The following KIAA1549 variants were observed in gnomAD, a reference collection of about 807,000 sequenced individuals.
KIAA1549 encodes UPF0606 protein KIAA1549.
In KIAA1549, 70 loss-of-function variants were observed where a neutral mutation model predicts 156.4. That is an observed-to-expected ratio of 0.45 (90% confidence interval 0.37 to 0.55). The LOEUF is 0.55. Ranked by LOEUF, KIAA1549 falls within the 20% of genes least tolerant of loss-of-function variation. The pLI is 0.00. For synonymous variants in KIAA1549, 1,103 were observed against 1,066.4 expected (o/e 1.03, Z -0.67); for missense variants, 2,428 against 2,540.9 (o/e 0.96, Z 0.96).
chr7:138,943,607 T>C (rs1813249145), intron 1 of KIAA1549, among the ~76,000 whole-genome samples: 2 of 152,186 alleles, frequency 1.3e-5, no homozygotes, highest in African/African-American at 4.8e-5. Flanking sequence ...CCCAGCACTT[T>C]GGGAGGCCAA....
chr7:138,970,425 G>A (rs1021226489), intron 1 of KIAA1549, among the ~76,000 whole-genome samples: 4 of 152,194 alleles, frequency 2.6e-5, no homozygotes, highest in Non-Finnish European at 4.4e-5. Context: ...ACCCGCTACT[G>A]CTCCTACCCT....
intron 1 of KIAA1549, among the ~76,000 whole-genome samples, chr7:138,958,097 T>C (rs1813723083): frequency 6.6e-6 from 1 of 152,268 alleles, no homozygotes; most frequent in Admixed American, 6.5e-5. Context: ...TTTGCACGAC[T>C]GTTATCCTCT....
At position 138,913,405 on chromosome 7, in the gene KIAA1549, A is replaced by C. The variant is rs574966821; in HGVS notation, c.2879-945T>G. Among the ~76,000 whole-genome samples, 9 of 152,276 alleles carry C rather than the reference A, an allele frequency of 5.9e-5. No individual in the cohort carries two copies. The South Asian group carries it at 1.9e-3, about 32-fold the overall frequency. ...TCTGTTTGACTGTTTTCATATTTTAAAAGTTCCATTTAAAAATCTATACTA... is the reference window on the plus strand; with the variant it reads ...TCTGTTTGACTGTTTTCATATTTTACAAGTTCCATTTAAAAATCTATACTA... On this transcript the variant is annotated intron_variant, in intron 2 of 19. Transcript: ENST00000422774.
At chr7:138,887,701 C>T (rs1027216066) in intron 10 of KIAA1549, among the ~76,000 whole-genome samples, 1 of 152,172 alleles carries the variant, frequency 6.6e-6, no homozygotes, top group African/African-American at 2.4e-5. Flanking sequence ...CAAATAAAAT[C>T]ACAATTCAAA....
intron 14 of KIAA1549, 103 bp from the exon 15 acceptor site, chr7:138,868,231 C>T (rs1270100313): frequency 1.8e-6 from 2 of 1,092,306 alleles, no homozygotes; most frequent in Admixed American, 2.1e-5. Flanking sequence ...TGTGCTACCC[C>T]TGGAAACACC....
intron 1 of KIAA1549, among the ~76,000 whole-genome samples, chr7:138,923,374 G>A (rs952557045): frequency 3.9e-5 from 6 of 152,222 alleles, no homozygotes; most frequent in African/African-American, 1.2e-4. Flanking sequence ...GCCAAGGCAG[G>A]TGGATCACCT....
intron 8 of KIAA1549, among the ~76,000 whole-genome samples, chr7:138,899,746 G>A (rs768263444): frequency 9.9e-5 from 15 of 152,014 alleles, no homozygotes; most frequent in Non-Finnish European, 2.2e-4. Context: ...GATGCACCCT[G>A]GAGGACAAAA....
chr7:138,876,226 AAAAG>A (rs1358120234), intron 12 of KIAA1549: 2 of 152,252 alleles, frequency 1.3e-5, no homozygotes, highest in African/African-American at 4.8e-5. Flanking sequence ...TGCCTTCATG[AAAAG>A]ATAAGAATTC....
intron 1 of KIAA1549, among the ~76,000 whole-genome samples, chr7:138,955,414 T>G (rs74836887): frequency 0.012 from 1,776 of 152,002 alleles, 38 homozygotes; most frequent in African/African-American, 0.041. Flanking sequence ...AGGAGGTACA[T>G]AGAGGAGTCA....
chr7:138,965,373 T>TACA, intron 1 of KIAA1549, among the ~76,000 whole-genome samples: 1 of 152,226 alleles, frequency 6.6e-6, no homozygotes, highest in African/African-American at 2.4e-5. Context: ...GTATTTTTTG[T>TACA]AGAGATGGGG....
At chr7:138,861,064 C>T (rs1260233652) in intron 16 of KIAA1549, 75 bp downstream of exon 16, 2 of 1,478,486 alleles carry the variant, frequency 1.4e-6, no homozygotes, top group Non-Finnish European at 1.9e-6. Context: ...TTGTGCGGAG[C>T]CTGAAAGTCA....
At chr7:138,895,071 T>G (rs1459176295) in intron 9 of KIAA1549, among the ~76,000 whole-genome samples, 1 of 152,226 alleles carries the variant, frequency 6.6e-6, no homozygotes, top group Non-Finnish European at 1.5e-5. Flanking sequence ...TACTCCAAGT[T>G]TCTCATGTTC....
intron 1 of KIAA1549, among the ~76,000 whole-genome samples, chr7:138,978,142 G>A (rs1038145482): frequency 2.6e-5 from 4 of 152,180 alleles, no homozygotes; most frequent in Non-Finnish European, 4.4e-5. Context: ...TAAATGTAGA[G>A]TGGAAATGGT....
chr7:138,931,419 G>C (rs1353427064), intron 1 of KIAA1549, among the ~76,000 whole-genome samples: 1 of 152,174 alleles, frequency 6.6e-6, no homozygotes, highest in Non-Finnish European at 1.5e-5. Flanking sequence ...TTCATGACTT[G>C]TTGTTTGATA....
intron 1 of KIAA1549, among the ~76,000 whole-genome samples, chr7:138,977,732 C>T (rs573075925): frequency 1.3e-5 from 2 of 151,964 alleles, no homozygotes; most frequent in African/African-American, 4.8e-5. Context: ...CGGAGTCTTG[C>T]TCTGTCGTCC....
In KIAA1549 at chr7:138,837,668, T is replaced by C. The variant is rs2130318070; in HGVS notation, c.*238A>G. 4 of 561,450 alleles carry C rather than the reference T, an allele frequency of 7.1e-6. No homozygotes were observed. The South Asian group carries it at 7.8e-5, about 11-fold the overall frequency. The allele number at this position is 561,450 out of a possible 1,614,324, so 34.8% of individuals were successfully genotyped here. ...TGTTTTTGTGAAGTGCTGCTGGCTT[T>C]TGGCCAAAATACATATATTTCAACT... On this transcript the variant is annotated 3_prime_UTR_variant, in exon 20 of 20. Transcript: ENST00000422774.
intron 16 of KIAA1549, among the ~76,000 whole-genome samples, chr7:138,856,033 T>TTA (rs1339303838): frequency 1.1e-4 from 17 of 150,278 alleles, no homozygotes; most frequent in African/African-American, 4.0e-4. Flanking sequence ...TATTATTTAT[T>TTA]TTATTTTTTT....
chr7:138,837,791 G>C lies in KIAA1549; in HGVS notation c.*115C>G. ...TAAATTGCAACTTGCTCCCTCCCTT[G>C]GGCAGGCTGCCCGAGAGTTGCTCCT... On this transcript the variant is annotated 3_prime_UTR_variant, in exon 20 of 20. Coordinates refer to ENST00000422774, the MANE Select transcript of KIAA1549 (RefSeq NM_001164665.2). The C allele has an allele frequency of 7.9e-7, 1 of 1,258,756 alleles. No homozygotes were observed. The highest frequency in any genetic ancestry group is 1.5e-5 in the African/African-American group (1 of 66,610). The allele number at this position is 1,258,756 out of a possible 1,614,324, so 78.0% of individuals were successfully genotyped here.
intron 1 of KIAA1549, among the ~76,000 whole-genome samples, 188 bp downstream of exon 1, chr7:138,980,895 T>G (rs1012059068): frequency 6.6e-6 from 1 of 152,224 alleles, no homozygotes; most frequent in South Asian, 2.1e-4. Context: ...TTGTTCGTTT[T>G]AATTATTTAT....
Sources: gnomAD v4.1 joint callset for allele counts (sites outside exome capture counted in the v4.1 genomes callset) on GRCh38, gnomAD v4.1.1 for gene constraint, MANE v1.5 for transcripts, NCBI Gene and HGNC (gene_info 2026-07-23, HGNC 2026-07-21) for gene names.